CDH1: variants seen among roughly 807,000 people sequenced by gnomAD.
The protein encoded by CDH1 is cadherin-1.
In CDH1, 35 loss-of-function variants were observed where a neutral mutation model predicts 84.5. The ratio of observed to expected loss-of-function variants is 0.41; its 90% CI spans 0.32 to 0.55. The LOEUF (loss-of-function observed/expected upper bound fraction) is 0.55. CDH1 is among the 20% of genes least tolerant of loss of function. The probability of loss-of-function intolerance (pLI) is 0.19; values close to 1 mark genes in which losing one functional copy is unlikely to be tolerated. For missense variants in CDH1, 994 were observed against 1,126.6 expected (o/e 0.88, Z 1.68); for synonymous variants, 417 against 439.0 (o/e 0.95, Z 0.63).
chr16:68,767,968 T>TA (rs1277169167), intron 2 of CDH1, among the ~76,000 whole-genome samples: 1 of 152,048 alleles, frequency 6.6e-6, no homozygotes, highest in Non-Finnish European at 1.5e-5. Context: ...ACTTTTTTTT[T>TA]TTTTGAGATG....
At chr16:68,762,576 A>G (rs1268832891) in intron 2 of CDH1, among the ~76,000 whole-genome samples, 1 of 152,086 alleles carries the variant, frequency 6.6e-6, no homozygotes, top group Non-Finnish European at 1.5e-5. Flanking sequence ...TAAAACTTTC[A>G]ATCACATTTT....
rs372563670 is a variant in CDH1, at chr16:68,778,896, C to T, written c.164-22774C>T. On this transcript the variant is annotated intron_variant, in intron 2 of 15. Coordinates refer to ENST00000261769, the MANE Select transcript of CDH1 (RefSeq NM_004360.5). ...TGAGGGGGAGAGAGGTTTTTCTCTT[C>T]CTGGCTCCCTTGGTGTGTGCCCTCT... 2.0e-4 allele frequency among the ~76,000 whole-genome samples: 30 copies of T among 152,218 alleles called. 1 individual carries two copies. Among genetic ancestry groups the T allele is most frequent in the African/African-American group, 7.2e-4 (30 of 41,518 alleles).
intron 2 of CDH1, among the ~76,000 whole-genome samples, chr16:68,786,853 C>T (rs1254972502): frequency 6.6e-6 from 1 of 152,192 alleles, no homozygotes; most frequent in Non-Finnish European, 1.5e-5. Flanking sequence ...CCTCACTTCG[C>T]AGTGTTGGCT....
intron 2 of CDH1, among the ~76,000 whole-genome samples, chr16:68,783,076 C>T (rs1392972199): frequency 6.6e-6 from 1 of 152,028 alleles, no homozygotes; most frequent in African/African-American, 2.4e-5. Flanking sequence ...ACACCCATCC[C>T]TCCTTTGGTT....
chr16:68,828,471 A>T (rs1961389503), intron 14 of CDH1, among the ~76,000 whole-genome samples, 167 bp downstream of exon 14: 1 of 152,148 alleles, frequency 6.6e-6, no homozygotes, highest in African/African-American at 2.4e-5. Flanking sequence ...TCATCATCAC[A>T]TCATCACCAA....
At position 68,812,228 on chromosome 16, in the gene CDH1, A is replaced by G. The variant is rs1555515749; in HGVS notation, c.1102A>G (p.Thr368Ala). Residue 368 changes from threonine (T) to alanine (A), a missense_variant, in exon 8 of 16, where the codon ACC becomes GCC. Physicochemically the swap from Thr to Ala is moderately conservative, Grantham distance 58. Coordinates refer to ENST00000261769, the MANE Select transcript of CDH1 (RefSeq NM_004360.5). The stretch of plus-strand genomic sequence containing the variant: ...AACAGCTGTGATCACAGTCACTGAC[A>G]CCAACGATAATCCTCCGATCTTCAA... Reference protein sequence around the residue: ...TATAVITVTDTNDNPPIFNPT... With the variant: ...TATAVITVTDANDNPPIFNPT... The G allele has an allele frequency of 1.2e-6, 2 of 1,614,170 alleles. No individual in the cohort carries two copies. The highest frequency in any genetic ancestry group is 1.7e-6 in the Non-Finnish European group (2 of 1,179,998).
intron 2 of CDH1, among the ~76,000 whole-genome samples, chr16:68,784,755 G>T (rs1003631555): frequency 1.3e-5 from 2 of 151,354 alleles, no homozygotes; most frequent in African/African-American, 4.9e-5. Context: ...ACAATATTTG[G>T]TTTTCCATTC....
At position 68,772,504 on chromosome 16, in the gene CDH1, C is replaced by T. The variant is rs1392879118; in HGVS notation, c.164-29166C>T. ...AGAGCGAGAGAACAGTCACAGCTGACATCTATGGACCACTTACAACTGGCC... is the reference window on the plus strand; with the variant it reads ...AGAGCGAGAGAACAGTCACAGCTGATATCTATGGACCACTTACAACTGGCC... On this transcript the variant is annotated intron_variant, in intron 2 of 15. Transcript: ENST00000261769. Among the ~76,000 whole-genome samples the T allele has an allele frequency of 3.3e-5, 5 of 152,194 alleles. No individual in the cohort carries two copies. The South Asian group carries it at 8.3e-4, about 25-fold the overall frequency.
At chr16:68,802,223 G>A (rs1196019414) in intron 3 of CDH1, among the ~76,000 whole-genome samples, 1 of 152,180 alleles carries the variant, frequency 6.6e-6, no homozygotes, top group Non-Finnish European at 1.5e-5. Flanking sequence ...GTGTAGAAGA[G>A]TGGTAAAGGC....
At chr16:68,780,283 GTTTA>G (rs1162913705) in intron 2 of CDH1, among the ~76,000 whole-genome samples, 1 of 151,874 alleles carries the variant, frequency 6.6e-6, no homozygotes, top group Non-Finnish European at 1.5e-5. Flanking sequence ...CTTCCTCCCT[GTTTA>G]TTTTATTTTA....
intron 2 of CDH1, among the ~76,000 whole-genome samples, chr16:68,769,388 G>C (rs1011103688): frequency 6.6e-6 from 1 of 151,988 alleles, no homozygotes; most frequent in Admixed American, 6.6e-5. Context: ...TTCCTTTGAG[G>C]CAGCACATGG....
rs2152127078 is a variant in CDH1 at position 68,801,891 on chromosome 16, C to T, written c.385C>T (p.Gln129Ter). 3 of 1,613,070 alleles carry T rather than the reference C, an allele frequency of 1.9e-6. No individual in the cohort carries two copies. Among genetic ancestry groups the T allele is most frequent in the Non-Finnish European group, 2.5e-6 (3 of 1,179,106 alleles). The change falls in exon 3 of 16, where the codon CAG (glutamine) becomes TAG (stop). Residue 129 changes from glutamine (Q) to a stop codon, truncating the protein, a stop_gained and splice_region_variant. Coordinates refer to ENST00000261769, the MANE Select transcript of CDH1 (RefSeq NM_004360.5). LOFTEE classifies it high-confidence loss of function. ...VGHHHRPPPH[Q>*]ASVSGIQAEL... is the part of the protein sequence containing the mutation. ...GCACCACCACCGCCCCCCGCCCCAT[C>T]AGGTATGTTGGCATTTTTCTGAGAA...
At chr16:68,820,309 T>G (rs1331807863) in intron 11 of CDH1, among the ~76,000 whole-genome samples, 1 of 152,188 alleles carries the variant, frequency 6.6e-6, no homozygotes, top group East Asian at 1.9e-4. Context: ...TTACAATCCA[T>G]TTCCAAAGCT....
intron 2 of CDH1, among the ~76,000 whole-genome samples, chr16:68,745,544 A>AT (rs1296901501): frequency 0.039 from 2,176 of 55,820 alleles, 56 homozygotes; most frequent in African/African-American, 0.053. Context: ...AAAAAAAAAA[A>AT]AAAAAATATA....
At chr16:68,745,975 G>A (rs1388533234) in intron 2 of CDH1, among the ~76,000 whole-genome samples, 1 of 152,008 alleles carries the variant, frequency 6.6e-6, no homozygotes, top group African/African-American at 2.4e-5. Flanking sequence ...GCACCACTAC[G>A]CCTGGCAATT....
chr16:68,801,751 T>G lies in CDH1; in HGVS notation c.245T>G (p.Val82Gly), dbSNP rs942284129. ...CGATTCAAAGTGGGCACAGATGGTG[T>G]GATTACAGTCAAAAGGCCTCTACGG... ...DTRFKVGTDG[V>G]ITVKRPLRFH... Residue 82 changes from valine to glycine, a missense_variant, in exon 3 of 16, where the codon GTG (valine) becomes GGG (glycine). Transcript: ENST00000261769. The G allele has an allele frequency of 1.2e-6, 2 of 1,614,050 alleles. No homozygotes were observed. Among genetic ancestry groups the G allele is most frequent in the African/African-American group, 1.3e-5 (1 of 74,924 alleles).
At chr16:68,827,312 A>C (rs1961346564) in intron 13 of CDH1, among the ~76,000 whole-genome samples, 1 of 152,072 alleles carries the variant, frequency 6.6e-6, no homozygotes, top group African/African-American at 2.4e-5. Flanking sequence ...ATTATGCTTC[A>C]TAGGGTACAG....
chr16:68,739,437 A>AT (rs913935053), intron 2 of CDH1, among the ~76,000 whole-genome samples: 8 of 150,634 alleles, frequency 5.3e-5, no homozygotes, highest in African/African-American at 1.5e-4. Flanking sequence ...TAAAAAATAA[A>AT]TTTTTTTTTA....
rs587782768 is a variant in CDH1, at chr16:68,819,377, C to G, written c.1663C>G (p.His555Asp). 1.2e-6 allele frequency: 2 copies of G among 1,613,940 alleles called. No individual in the cohort carries two copies. Among genetic ancestry groups the G allele is most frequent in the Non-Finnish European group, 1.7e-6 (2 of 1,179,996 alleles). Residue 555 changes from histidine to aspartate, a missense_variant, in exon 11 of 16, where the codon CAC becomes GAC. Physicochemically the swap from His to Asp is moderately conservative, Grantham distance 81 (BLOSUM62 -1). Coordinates refer to ENST00000261769, the MANE Select transcript of CDH1 (RefSeq NM_004360.5). ...TGAGCTGGACAGGGAGGATTTTGAG[C>G]ACGTGAAGAACAGCACGTACACAGC... ...RAELDREDFE[H>D]VKNSTYTALI...
Sources: allele counts gnomAD v4.1 joint callset (sites outside exome capture counted in the v4.1 genomes callset), GRCh38; gene constraint gnomAD v4.1.1; transcripts MANE v1.5; gene names NCBI Gene and HGNC (gene_info 2026-07-23, HGNC 2026-07-21).